Variants in ECPAS observed in about 807,000 individuals in gnomAD.
ECPAS encodes the protein proteasome adapter and scaffold protein ECM29.
In ECPAS, 70 loss-of-function variants were observed where a neutral mutation model predicts 255.1. The observed-to-expected ratio is 0.27, with a 90% CI of 0.23 to 0.33. The LOEUF (loss-of-function observed/expected upper bound fraction) is 0.33, where lower values mean the gene tolerates loss of function less well. Among genes scored for constraint, ECPAS ranks in the 10% least tolerant of loss-of-function variants. The probability of loss-of-function intolerance (pLI) is 1.00; values close to 1 mark genes in which losing one functional copy is unlikely to be tolerated. For missense variants in ECPAS, 1,817 were observed against 2,206.4 expected, an observed-to-expected ratio of 0.82 and a Z score of 3.54; for synonymous variants, 784 against 775.0, an observed-to-expected ratio of 1.01 and a Z score of -0.19.
intron 34 of ECPAS, 94 bp downstream of exon 34, chr9:111,384,428 C>G (rs2098144678): frequency 8.6e-7 from 1 of 1,164,458 alleles, no homozygotes; most frequent in African/African-American, 1.5e-5. Flanking sequence ...TATACTGCAA[C>G]TAAATGTCTT....
intron 17 of ECPAS, 94 bp from the exon 18 acceptor site, chr9:111,416,446 T>A (rs2098203644): frequency 4.6e-6 from 4 of 870,330 alleles, no homozygotes; most frequent in East Asian, 2.5e-5. Context: ...TCTAGCTACA[T>A]GTCCTAAGTT....
rs769915017 is a variant in ECPAS, at chr9:111,363,577, C to G, written c.5380+11G>C. 1 of 1,543,210 alleles carries G rather than the reference C, an allele frequency of 6.5e-7. No homozygotes were observed. On this transcript the variant is annotated intron_variant, in intron 49 of 49. Coordinates refer to ENST00000684092, the MANE Select transcript of ECPAS (RefSeq NM_001364929.1). ...TTTATGGTCCCCCAGTCAGAACTAACAACAACTTACCTTCAAGTTTTTTAA... is the reference window on the plus strand; with the variant it reads ...TTTATGGTCCCCCAGTCAGAACTAAGAACAACTTACCTTCAAGTTTTTTAA...
rs896454762 is a variant in ECPAS, at chr9:111,484,109, C to T, written c.-83+7G>A. The T allele has an allele frequency of 7.0e-7, 1 of 1,424,570 alleles. No individual in the cohort carries two copies. The highest frequency in any genetic ancestry group is 1.4e-5 in the South Asian group (1 of 73,232). 88.2% of individuals were successfully genotyped at this position (1,424,570 alleles called of 1,614,324 possible). On this transcript the variant is annotated splice_region_variant and intron_variant, in intron 1 of 49. Transcript: ENST00000684092. The stretch of plus-strand genomic sequence containing the variant: ...AGTCCCCCGCGGCCCGGGGGCGGGC[C>T]TCTGACCTGAGTCGGAGCCGGTCTC...
rs529136757 is a variant in ECPAS at position 111,447,174 on chromosome 9, G to GA, written c.154-2681dup. 3.2e-3 allele frequency among the ~76,000 whole-genome samples: 485 copies of GA among 151,718 alleles called. 3 individuals are homozygous for GA. Among genetic ancestry groups the GA allele is most frequent in the African/African-American group, 0.011 (474 of 41,346 alleles). On this transcript the variant is annotated intron_variant, in intron 3 of 49. Coordinates refer to ENST00000684092, the MANE Select transcript of ECPAS (RefSeq NM_001364929.1). Reference sequence around the variant, plus strand: ...GGGTCTCACTCTGTCACTCAGGGTGGAGTTCAGTGGCATTATCATAGCCAA... The same window carrying GA: ...GGGTCTCACTCTGTCACTCAGGGTGGAAGTTCAGTGGCATTATCATAGCCAA...
chr9:111,378,147 A>G (rs1376934128), intron 36 of ECPAS, among the ~76,000 whole-genome samples: 1 of 151,502 alleles, frequency 6.6e-6, no homozygotes, highest in Non-Finnish European at 1.5e-5. Context: ...CTCCGTCTCC[A>G]AAAAAATAAA....
At chr9:111,482,442 A>G (rs1053139530) in intron 1 of ECPAS, among the ~76,000 whole-genome samples, 2 of 152,236 alleles carry the variant, frequency 1.3e-5, no homozygotes, top group Admixed American at 1.3e-4. Flanking sequence ...GAGATCATGT[A>G]TATAAAAGTG....
chr9:111,479,795 A>T (rs2132128501), intron 1 of ECPAS, among the ~76,000 whole-genome samples: 1 of 152,230 alleles, frequency 6.6e-6, no homozygotes, highest in African/African-American at 2.4e-5. Context: ...CCTGGCCAAG[A>T]TGGTGAAACC....
rs369961247 is a variant in ECPAS, at chr9:111,362,099, C to A, written c.5451G>T (p.Glu1817Asp). The change falls in exon 50 of 50, where the codon GAG becomes GAT. Residue 1817 changes from glutamate to aspartate, a missense_variant. By Grantham distance (45) the Glu-to-Asp change is conservative (BLOSUM62 2). Transcript: ENST00000684092. Reference sequence around the variant, plus strand: ...CCTGCAGTTCAGGTCTGCTGTCTGGCTCCATAGTAGCTAAAGACTCAATTA... The same window carrying A: ...CCTGCAGTTCAGGTCTGCTGTCTGGATCCATAGTAGCTAAAGACTCAATTA... Reference protein sequence around the residue: ...VLLIESLATMEPDSRPELQEK... With the variant: ...VLLIESLATMDPDSRPELQEK... 1 of 1,611,842 alleles carries A rather than the reference C, an allele frequency of 6.2e-7. No homozygotes were observed. The highest frequency in any genetic ancestry group is 1.7e-5 in the Admixed American group (1 of 59,872).
At chr9:111,453,927 G>T (rs759896937) in intron 2 of ECPAS, among the ~76,000 whole-genome samples, 2 of 151,510 alleles carry the variant, frequency 1.3e-5, no homozygotes, top group Non-Finnish European at 2.9e-5. Flanking sequence ...TCCTGGGGGG[G>T]AAAAAAGGAC....
intron 29 of ECPAS, among the ~76,000 whole-genome samples, chr9:111,390,490 T>C (rs1488891221): frequency 1.3e-5 from 2 of 152,222 alleles, no homozygotes; most frequent in African/African-American, 4.8e-5. Context: ...ACCACCCTAA[T>C]TCTGATTGAG....
At chr9:111,393,607 T>C (rs1226351378) in intron 27 of ECPAS, 73 bp downstream of exon 27, 2 of 987,404 alleles carry the variant, frequency 2.0e-6, no homozygotes, top group Non-Finnish European at 3.1e-6. Context: ...TCTTTCATGT[T>C]CATTAATCCA....
rs1380019246 is a variant in ECPAS, at chr9:111,451,548, A to C, written c.30T>G (p.Leu10=). MYHIDCRDQ[L]ERVFLRLGHA... ...GGCCAAGTCGTAAAAAGACCCGTTC[A>C]AGCTGATCTATAATATAAAAAGAAA... is the stretch of plus-strand genomic sequence containing the variant. Residue 10 remains leucine, a synonymous_variant, in exon 3 of 50, where the codon CTT becomes CTG. Coordinates refer to ENST00000684092, the MANE Select transcript of ECPAS (RefSeq NM_001364929.1). 9 of 1,563,902 alleles carry C rather than the reference A, an allele frequency of 5.8e-6. No homozygotes were observed. Among genetic ancestry groups the C allele is most frequent in the Non-Finnish European group, 7.8e-6 (9 of 1,158,134 alleles).
chr9:111,475,503 G>A (rs2098295047), intron 1 of ECPAS, among the ~76,000 whole-genome samples: 1 of 152,166 alleles, frequency 6.6e-6, no homozygotes, highest in Non-Finnish European at 1.5e-5. Context: ...GGGAGGCCGA[G>A]GCAGGCAGAT....
intron 2 of ECPAS, among the ~76,000 whole-genome samples, chr9:111,454,104 T>A (rs1025433148): frequency 6.6e-6 from 1 of 152,174 alleles, no homozygotes; most frequent in Non-Finnish European, 1.5e-5. Flanking sequence ...TCAGGAATGC[T>A]GAGTTCAACC....
rs190283354 is a variant in ECPAS, at chr9:111,389,454, A to G, written c.3447+102T>C. ...ACAATTTATTTGTTTAAACAAGTAA[A>G]CATAAAAAGTAGAAAGGAAGATGGA... is the stretch of plus-strand genomic sequence containing the variant. On this transcript the variant is annotated intron_variant, in intron 31 of 49. Coordinates refer to ENST00000684092, the MANE Select transcript of ECPAS (RefSeq NM_001364929.1). 133 of 1,055,618 alleles carry G rather than the reference A, an allele frequency of 1.3e-4. 1 individual carries two copies. In the African/African-American group the frequency reaches 1.8e-3, roughly 14 times the overall value. The allele number at this position is 1,055,618 out of a possible 1,614,324, so 65.4% of individuals were successfully genotyped here.
At chr9:111,467,809 G>A (rs1000885263) in intron 2 of ECPAS, among the ~76,000 whole-genome samples, 4 of 152,036 alleles carry the variant, frequency 2.6e-5, no homozygotes, top group Non-Finnish European at 4.4e-5. Context: ...GTTTCACATG[G>A]CCTTCTGAGC....
intron 1 of ECPAS, among the ~76,000 whole-genome samples, chr9:111,478,702 C>G (rs1001418166): frequency 1.3e-5 from 2 of 152,104 alleles, no homozygotes; most frequent in African/African-American, 4.8e-5. Context: ...CATTTGAAAT[C>G]TATAGAAATG....
intron 3 of ECPAS, among the ~76,000 whole-genome samples, chr9:111,450,321 C>T (rs969605044): frequency 1.9e-4 from 29 of 152,150 alleles, no homozygotes; most frequent in African/African-American, 7.0e-4. Flanking sequence ...ATCAAATGCA[C>T]GTCTATCTCA....
At chr9:111,475,015 C>A (rs2098294472) in intron 1 of ECPAS, among the ~76,000 whole-genome samples, 1 of 152,188 alleles carries the variant, frequency 6.6e-6, no homozygotes, top group South Asian at 2.1e-4. Context: ...ATCTCCAAGT[C>A]TCAGCTCAAG....
Sources: gnomAD v4.1 joint callset for allele counts (sites outside exome capture counted in the v4.1 genomes callset) on GRCh38, gnomAD v4.1.1 for gene constraint, MANE v1.5 for transcripts, NCBI Gene and HGNC (gene_info 2026-07-23, HGNC 2026-07-21) for gene names.